RASA3: variants seen among roughly 807,000 people sequenced by gnomAD.
The protein encoded by RASA3 is RAS p21 protein activator 3, also known as ras GTPase-activating protein 3.
Under a neutral mutation model 110.0 loss-of-function variants are expected in RASA3, and 73 were observed. The ratio of observed to expected loss-of-function variants is 0.66; its 90% confidence interval spans 0.55 to 0.81. The LOEUF is 0.81. Ranked by LOEUF, RASA3 falls within the 30% of genes least tolerant of loss-of-function variation. The probability of loss-of-function intolerance (pLI) is 0.00; values close to 1 mark genes in which losing one functional copy is unlikely to be tolerated. For missense variants in RASA3, 976 were observed against 1,113.2 expected (o/e 0.88, Z 1.75); for synonymous variants, 500 against 451.4 (o/e 1.11, Z -1.37).
intron 2 of RASA3, among the ~76,000 whole-genome samples, chr13:114,072,297 C>T (rs376148265): frequency 1.1e-4 from 16 of 152,276 alleles, no homozygotes; most frequent in African/African-American, 3.9e-4. Flanking sequence ...TTTTCAGAAA[C>T]ACAAGTTCTG....
intron 4 of RASA3, among the ~76,000 whole-genome samples, chr13:114,031,212 C>T (rs1371019694): frequency 2.2e-5 from 3 of 136,220 alleles, no homozygotes; most frequent in South Asian, 2.4e-4. Flanking sequence ...TGTGGGCGTG[C>T]GATTGTGTGT....
chr13:114,123,830 G>A (rs9590385), intron 1 of RASA3, among the ~76,000 whole-genome samples: 12,230 of 152,240 alleles, frequency 0.08, 567 homozygotes, highest in Middle Eastern at 0.19. Flanking sequence ...GGATCCCCAC[G>A]GTGTCTAGGA....
At chr13:114,117,039 G>A (rs1311821674) in intron 1 of RASA3, among the ~76,000 whole-genome samples, 1 of 142,044 alleles carries the variant, frequency 7.0e-6, no homozygotes, top group Non-Finnish European at 1.5e-5. Flanking sequence ...CGTGTGAGAG[G>A]GGTGCACGTG....
chr13:114,001,717 GCGGGCT>G (rs1566462831), intron 18 of RASA3, among the ~76,000 whole-genome samples: 1 of 151,848 alleles, frequency 6.6e-6, no homozygotes. Flanking sequence ...ACCTGCGGCC[GCGGGCT>G]CGGGGTCAGA....
At position 114,007,532 on chromosome 13, in the gene RASA3, C is replaced by T. The variant is rs1453404324; in HGVS notation, c.1742+1G>A. The T allele has an allele frequency of 6.2e-7, 1 of 1,611,960 alleles. No homozygotes were observed. The highest frequency in any genetic ancestry group is 8.5e-7 in the Non-Finnish European group (1 of 1,178,502). On this transcript the variant is annotated splice_donor_variant, in intron 18 of 23. Coordinates refer to ENST00000334062, the MANE Select transcript of RASA3 (RefSeq NM_007368.4). LOFTEE classifies it high-confidence loss of function. The stretch of plus-strand genomic sequence containing the variant: ...GCCAGACGCCACCTTACCCTCCTTA[C>T]CCTTCTTTAAGCACGATGGGCTGCT...
In RASA3 at chr13:114,007,681, C is replaced by T. The variant is rs560015561; in HGVS notation, c.1669-75G>A. Reference sequence around the variant, plus strand: ...TGCACGGCTCTCTGTATAACAACAGCGTCGGCGGCTACTGCCTCCTTTGTA... The same window carrying T: ...TGCACGGCTCTCTGTATAACAACAGTGTCGGCGGCTACTGCCTCCTTTGTA... On this transcript the variant is annotated intron_variant, in intron 17 of 23. Coordinates refer to ENST00000334062, the MANE Select transcript of RASA3 (RefSeq NM_007368.4). 16 of 1,251,768 alleles carry T rather than the reference C, an allele frequency of 1.3e-5. No individual in the cohort carries two copies. In the East Asian group the frequency reaches 1.4e-4, roughly 11 times the overall value. 77.5% of individuals were successfully genotyped at this position (1,251,768 alleles called of 1,614,324 possible).
intron 17 of RASA3, among the ~76,000 whole-genome samples, chr13:114,008,083 G>A (rs1246537268): frequency 0.12 from 149 of 1,214 alleles, 44 homozygotes; most frequent in South Asian, 0.75. Flanking sequence ...GGGCCTGGAG[G>A]TTGCCCCCAC....
intron 1 of RASA3, among the ~76,000 whole-genome samples, chr13:114,102,696 T>C (rs2080075221): frequency 6.6e-6 from 1 of 152,176 alleles, no homozygotes; most frequent in African/African-American, 2.4e-5. Context: ...CAGCCAAGGC[T>C]GCGGCGTCAC....
intron 1 of RASA3, among the ~76,000 whole-genome samples, chr13:114,082,895 G>C (rs2079805793): frequency 6.6e-6 from 1 of 152,188 alleles, no homozygotes; most frequent in Non-Finnish European, 1.5e-5. Context: ...GAGATACACA[G>C]TCCTCTACTT....
At position 113,981,683 on chromosome 13, in the gene RASA3, A is replaced by G. The variant is rs1594270871; in HGVS notation, c.2421T>C (p.Tyr807=). 3 of 1,613,326 alleles carry G rather than the reference A, an allele frequency of 1.9e-6. No individual in the cohort carries two copies. Among genetic ancestry groups the G allele is most frequent in the Non-Finnish European group, 2.5e-6 (3 of 1,179,614 alleles). The change falls in exon 23 of 24, where the codon TAT becomes TAC. Residue 807 remains tyrosine (Y), a synonymous_variant. Transcript: ENST00000334062. ...YKRDKFKKTK[Y]GSQEHPIGDK... Reference sequence around the variant, plus strand: ...ACGGGAGTGGCACTCACTGGCTTCCATATTTCGTCTTCTTGAACTTGTCCC... The same window carrying G: ...ACGGGAGTGGCACTCACTGGCTTCCGTATTTCGTCTTCTTGAACTTGTCCC...
At chr13:114,102,184 G>A (rs984255534) in intron 1 of RASA3, among the ~76,000 whole-genome samples, 1 of 152,190 alleles carries the variant, frequency 6.6e-6, no homozygotes, top group African/African-American at 2.4e-5. Context: ...ACAGAGAGAC[G>A]GGGGCTGTGA....
At chr13:114,078,644 A>G (rs2079731520) in intron 1 of RASA3, among the ~76,000 whole-genome samples, 1 of 152,236 alleles carries the variant, frequency 6.6e-6, no homozygotes, top group South Asian at 2.1e-4. Context: ...TAAACAGCAT[A>G]ACACCGCAAA....
At chr13:114,077,742 A>G in intron 1 of RASA3, 1 of 900,818 alleles carries the variant, frequency 1.1e-6, no homozygotes, top group African/African-American at 2.0e-5. Context: ...GATGATGCCC[A>G]GTCCCCTGGC....
At chr13:114,062,930 A>G (rs752809208) in intron 2 of RASA3, among the ~76,000 whole-genome samples, 1 of 152,232 alleles carries the variant, frequency 6.6e-6, no homozygotes, top group Non-Finnish European at 1.5e-5. Flanking sequence ...AGACGCTTCC[A>G]CTGACACGAA....
At chr13:113,981,953 A>G in intron 22 of RASA3, 95 bp from the exon 23 acceptor site, 1 of 1,115,104 alleles carries the variant, frequency 9.0e-7, no homozygotes, top group South Asian at 1.6e-5. Context: ...CCCACAGTAC[A>G]CATCCTTCCA....
At chr13:114,064,858 C>T (rs906289887) in intron 2 of RASA3, among the ~76,000 whole-genome samples, 2 of 152,252 alleles carry the variant, frequency 1.3e-5, no homozygotes, top group Non-Finnish European at 2.9e-5. Flanking sequence ...CTCTGGAACT[C>T]TCTTTCCAAA....
intron 1 of RASA3, among the ~76,000 whole-genome samples, chr13:114,083,147 T>C (rs2079809009): frequency 6.6e-6 from 1 of 152,244 alleles, no homozygotes; most frequent in Non-Finnish European, 1.5e-5. Flanking sequence ...GCTTCACTCA[T>C]TCATCAATGT....
At chr13:114,047,512 A>C (rs185903245) in intron 3 of RASA3, among the ~76,000 whole-genome samples, 20 of 152,370 alleles carry the variant, frequency 1.3e-4, no homozygotes, top group African/African-American at 4.8e-4. Context: ...GAAAGTAAAC[A>C]CACACCCTAC....
intron 18 of RASA3, 108 bp from the exon 19 acceptor site, chr13:114,001,040 G>A (rs535605566): frequency 1.4e-6 from 1 of 734,184 alleles, no homozygotes; most frequent in African/African-American, 1.8e-5. Context: ...GGCAGGCAGT[G>A]GATTTTCAAT....
Sources: gnomAD v4.1 joint callset for allele counts (sites outside exome capture counted in the v4.1 genomes callset) on GRCh38, gnomAD v4.1.1 for gene constraint, MANE v1.5 for transcripts, NCBI Gene and HGNC (gene_info 2026-07-23, HGNC 2026-07-21) for gene names.